GHR: variants seen among roughly 807,000 people sequenced by gnomAD.
GHR encodes the protein growth hormone receptor.
GHR carries 35 observed loss-of-function variants against 67.1 expected under a neutral mutation model. The observed-to-expected ratio is 0.52, with a 90% CI of 0.40 to 0.69. The LOEUF is 0.69. GHR is among the 30% of genes least tolerant of loss of function. The probability of loss-of-function intolerance (pLI) is 0.00; values close to 1 mark genes in which losing one functional copy is unlikely to be tolerated. For synonymous variants in GHR, 272 were observed against 269.1 expected (o/e 1.01, Z -0.10); for missense variants, 792 against 764.6 (o/e 1.04, Z -0.42).
At chr5:42,481,231 C>T (rs1745619407) in intron 1 of GHR, among the ~76,000 whole-genome samples, 1 of 152,184 alleles carries the variant, frequency 6.6e-6, no homozygotes, top group South Asian at 2.1e-4. Flanking sequence ...TCTCTTCTGG[C>T]TTGTAGAGTT....
intron 2 of GHR, among the ~76,000 whole-genome samples, chr5:42,613,153 A>C (rs1752968530): frequency 6.6e-6 from 1 of 152,116 alleles, no homozygotes; most frequent in African/African-American, 2.4e-5. Context: ...TCCAGGGACC[A>C]CTTCAAGGAC....
intron 1 of GHR, chr5:42,565,390 C>T: frequency 1.1e-6 from 1 of 932,246 alleles, no homozygotes; most frequent in Non-Finnish European, 1.3e-6. Context: ...GGTTTGAGCT[C>T]TTTTGTTCAC....
chr5:42,522,189 T>C (rs1360899435), intron 1 of GHR, among the ~76,000 whole-genome samples: 1 of 152,194 alleles, frequency 6.6e-6, no homozygotes, highest in Non-Finnish European at 1.5e-5. Flanking sequence ...GGCCATTTGT[T>C]GATTGAGCCA....
intron 1 of GHR, among the ~76,000 whole-genome samples, chr5:42,443,438 G>A (rs1008567071): frequency 3.3e-5 from 5 of 152,144 alleles, no homozygotes; most frequent in Admixed American, 2.6e-4. Context: ...AGAAAGCCCA[G>A]TAAAGCTTGA....
Position 42,713,445 on chromosome 5 carries a change from G to T in GHR, c.801G>T (p.Trp267Cys), listed in dbSNP as rs1237186763. Residue 267 changes from tryptophan (W) to cysteine (C), a missense_variant, in exon 8 of 10, where the codon TGG becomes TGT. Trp to Cys is a radical substitution (Grantham distance 215). Transcript: ENST00000230882. Reference sequence around the variant, plus strand: ...GTGTTTCAGATTTCTACTTTCCATGGCTCTTAATTATTATCTTTGGAATAT... The same window carrying T: ...GTGTTTCAGATTTCTACTTTCCATGTCTCTTAATTATTATCTTTGGAATAT... ...FTCEEDFYFP[W>C]LLIIIFGIFG... 1.4e-6 allele frequency: 2 copies of T among 1,440,286 alleles called. No individual in the cohort carries two copies. The highest frequency in any genetic ancestry group is 1.7e-5 in the Admixed American group (1 of 59,784). The allele number at this position is 1,440,286 out of a possible 1,614,324, so 89.2% of individuals were successfully genotyped here. A position where few individuals can be genotyped will look rare whatever the true frequency, so the allele number is the denominator to read the frequency against.
intron 8 of GHR, 126 bp downstream of exon 8, chr5:42,713,645 C>G: frequency 1.5e-6 from 1 of 676,632 alleles, no homozygotes; most frequent in Non-Finnish European, 2.7e-6. Flanking sequence ...ACCTAGTACA[C>G]TTTTATCTCC....
At chr5:42,681,600 A>T (rs1756877949) in intron 3 of GHR, among the ~76,000 whole-genome samples, 1 of 152,202 alleles carries the variant, frequency 6.6e-6, no homozygotes, top group Non-Finnish European at 1.5e-5. Flanking sequence ...CAGTGATCCC[A>T]TTACTGGGTA....
intron 1 of GHR, among the ~76,000 whole-genome samples, chr5:42,510,761 G>T (rs1374236938): frequency 1.3e-5 from 2 of 152,194 alleles, no homozygotes; most frequent in African/African-American, 4.8e-5. Context: ...GAGCCAGAGG[G>T]CCTACCACAA....
At chr5:42,493,916 T>C (rs953489898) in intron 1 of GHR, among the ~76,000 whole-genome samples, 1 of 152,250 alleles carries the variant, frequency 6.6e-6, no homozygotes, top group Admixed American at 6.5e-5. Flanking sequence ...ACTAATACAG[T>C]TTTATATAAT....
chr5:42,710,307 G>A (rs754601779), intron 6 of GHR, among the ~76,000 whole-genome samples: 4 of 152,024 alleles, frequency 2.6e-5, no homozygotes, highest in South Asian at 2.1e-4. Flanking sequence ...TTGTTTATGC[G>A]AAAATCCATG....
chr5:42,438,739 T>C (rs1298810164), intron 1 of GHR, among the ~76,000 whole-genome samples: 1 of 152,090 alleles, frequency 6.6e-6, no homozygotes, highest in Non-Finnish European at 1.5e-5. Context: ...GACCCCCTAG[T>C]GAACCACAGC....
At chr5:42,468,881 G>A (rs777927583) in intron 1 of GHR, 13 of 783,292 alleles carry the variant, frequency 1.7e-5, no homozygotes, top group Middle Eastern at 3.3e-4. Flanking sequence ...GTTGCTCGGC[G>A]GCACATTCCT....
intron 1 of GHR, among the ~76,000 whole-genome samples, chr5:42,508,295 T>A (rs1746863316): frequency 6.6e-6 from 1 of 152,084 alleles, no homozygotes; most frequent in African/African-American, 2.4e-5. Context: ...AAGAGAAAAT[T>A]CATTGAGAAT....
Position 42,719,729 on chromosome 5 carries a change from G to C in GHR, c.*305G>C. 2 of 381,598 alleles carry C rather than the reference G, an allele frequency of 5.2e-6. No homozygotes were observed. Among genetic ancestry groups the C allele is most frequent in the Non-Finnish European group, 9.9e-6 (2 of 201,014 alleles). The allele number at this position is 381,598 out of a possible 1,614,324, so 23.6% of individuals were successfully genotyped here. ...TTGATACTAAGCATTGAATGGCTAT[G>C]TTTTTAATGTATAGTAAATCACGCT... On this transcript the variant is annotated 3_prime_UTR_variant, in exon 10 of 10. Coordinates refer to ENST00000230882, the MANE Select transcript of GHR (RefSeq NM_000163.5).
intron 2 of GHR, among the ~76,000 whole-genome samples, chr5:42,610,334 T>A (rs1316379097): frequency 2.0e-5 from 3 of 152,172 alleles, no homozygotes; most frequent in African/African-American, 4.8e-5. Flanking sequence ...CTTGCCAGCC[T>A]CTTTACCCAG....
intron 1 of GHR, chr5:42,514,347 T>C (rs577248157): frequency 7.7e-5 from 75 of 971,280 alleles, no homozygotes; most frequent in Non-Finnish European, 8.8e-5. Flanking sequence ...TCTCCAGCCT[T>C]GCTCCTCTGA....
chr5:42,474,295 G>GAGAAAGAAAGAAAGAA (rs59927289), intron 1 of GHR, among the ~76,000 whole-genome samples: 19,660 of 80,806 alleles, frequency 0.24, 2,946 homozygotes, highest in Middle Eastern at 0.3. Flanking sequence ...AAAAGAGAAA[G>GAGAAAGAAAGAAAGAA]AGAAAGAAAG....
At chr5:42,718,354 C>T in intron 9 of GHR, 99 bp from the exon 10 acceptor site, 3 of 937,120 alleles carry the variant, frequency 3.2e-6, no homozygotes, top group Non-Finnish European at 5.1e-6. Context: ...TACTGTTGTT[C>T]TTATTGTAAC....
At chr5:42,465,053 A>T (rs1425577334) in intron 1 of GHR, among the ~76,000 whole-genome samples, 1 of 152,214 alleles carries the variant, frequency 6.6e-6, no homozygotes, top group East Asian at 1.9e-4. Flanking sequence ...ATAAAGAATG[A>T]TTATTCTGTA....
Sources: gnomAD v4.1 joint callset for allele counts (sites outside exome capture counted in the v4.1 genomes callset) on GRCh38, gnomAD v4.1.1 for gene constraint, MANE v1.5 for transcripts, NCBI Gene and HGNC (gene_info 2026-07-23, HGNC 2026-07-21) for gene names.